DNAH7: variants seen among roughly 807,000 people sequenced by gnomAD.
The protein encoded by DNAH7 is axonemal beta dynein heavy chain 7.
Under a neutral mutation model 444.6 loss-of-function variants are expected in DNAH7, and 397 were observed. The ratio of observed to expected loss-of-function variants is 0.89; its 90% CI spans 0.82 to 0.97. The LOEUF (loss-of-function observed/expected upper bound fraction) is 0.97. Among genes scored for constraint, DNAH7 ranks in the 50% least tolerant of loss-of-function variants. The probability of loss-of-function intolerance (pLI) is 0.00; values close to 1 mark genes in which losing one functional copy is unlikely to be tolerated. For missense variants in DNAH7, 4,902 were observed against 4,800.8 expected, an observed-to-expected ratio of 1.02 and a Z score of -0.62; for synonymous variants, 1,636 against 1,624.4, an observed-to-expected ratio of 1.01 and a Z score of -0.17.
At chr2:195,969,898 T>A in intron 17 of DNAH7, 50 bp downstream of exon 17, 2 of 1,563,886 alleles carry the variant, frequency 1.3e-6, no homozygotes, top group East Asian at 4.6e-5. Context: ...ACGAATTCAA[T>A]GCTTTTTCAA....
intron 5 of DNAH7, among the ~76,000 whole-genome samples, chr2:196,035,784 A>T (rs1164827213): frequency 6.6e-6 from 1 of 150,834 alleles, no homozygotes; most frequent in Non-Finnish European, 1.5e-5. Context: ...CCAGCTGTTC[A>T]CATTTCCACC....
chr2:195,842,093 C>T (rs1302886117), intron 47 of DNAH7, among the ~76,000 whole-genome samples: 2 of 151,988 alleles, frequency 1.3e-5, no homozygotes, highest in Non-Finnish European at 2.9e-5. Flanking sequence ...TATCTCTCTT[C>T]TATGGAAATG....
chr2:196,019,131 CTA>C, intron 9 of DNAH7, 37 bp downstream of exon 9: 1 of 1,387,158 alleles, frequency 7.2e-7, no homozygotes, highest in Non-Finnish European at 9.5e-7. Context: ...CAACTTCCCT[CTA>C]TATTTTAAAA....
intron 21 of DNAH7, among the ~76,000 whole-genome samples, chr2:195,933,670 G>A (rs1432359263): frequency 3.4e-5 from 5 of 145,240 alleles, no homozygotes; most frequent in Admixed American, 1.5e-4. Flanking sequence ...AACACCGCAT[G>A]TTCTCACTCA....
intron 4 of DNAH7, among the ~76,000 whole-genome samples, chr2:196,047,856 T>C (rs1355165419): frequency 6.6e-6 from 1 of 152,006 alleles, no homozygotes; most frequent in Non-Finnish European, 1.5e-5. Flanking sequence ...AAAAAGTTAA[T>C]ATTAACTGTA....
Position 195,866,965 on chromosome 2 carries a change from G to T in DNAH7, c.6634-1944C>A, listed in dbSNP as rs551937972. Reference sequence around the variant, plus strand: ...TTCCCTGCACAATCTCTCTTCTCCTGTCTGCCACCATGTGAGAGATGCCTT... The same window carrying T: ...TTCCCTGCACAATCTCTCTTCTCCTTTCTGCCACCATGTGAGAGATGCCTT... On this transcript the variant is annotated intron_variant, in intron 40 of 64. Coordinates refer to ENST00000312428, the MANE Select transcript of DNAH7 (RefSeq NM_018897.3). Among the ~76,000 whole-genome samples, 12 of 152,230 alleles carry T rather than the reference G, an allele frequency of 7.9e-5. No individual in the cohort carries two copies. In the South Asian group the frequency reaches 2.5e-3, roughly 32 times the overall value.
chr2:195,808,919 T>C, intron 52 of DNAH7, 43 bp from the exon 53 acceptor site: 4 of 1,544,346 alleles, frequency 2.6e-6, no homozygotes, highest in Non-Finnish European at 2.7e-6. Flanking sequence ...AACGAGTTCA[T>C]CATAAACTAG....
intron 2 of DNAH7, among the ~76,000 whole-genome samples, chr2:196,054,925 TG>T (rs1433162114): frequency 6.6e-6 from 1 of 152,260 alleles, no homozygotes; most frequent in African/African-American, 2.4e-5. Flanking sequence ...CCCAGCCATG[TG>T]GAACTGTGAG....
intron 61 of DNAH7, among the ~76,000 whole-genome samples, chr2:195,759,416 C>T (rs113340450): frequency 2.0e-4 from 30 of 152,286 alleles, no homozygotes; most frequent in African/African-American, 6.3e-4. Context: ...ACACCATGGG[C>T]CTTGAGTGAG....
chr2:196,040,105 C>G (rs1575081435), intron 5 of DNAH7, among the ~76,000 whole-genome samples: 1 of 151,950 alleles, frequency 6.6e-6, no homozygotes, highest in Middle Eastern at 3.4e-3. Flanking sequence ...AAAGAAAAGC[C>G]CAACACTGGA....
intron 1 of DNAH7, among the ~76,000 whole-genome samples, chr2:196,058,501 A>G (rs1244666945): frequency 6.6e-6 from 1 of 152,210 alleles, no homozygotes; most frequent in Non-Finnish European, 1.5e-5. Context: ...ATCCCTTATA[A>G]TAAAACAGTA....
At chr2:195,961,387 C>A (rs552241885) in intron 17 of DNAH7, among the ~76,000 whole-genome samples, 1 of 148,066 alleles carries the variant, frequency 6.8e-6, no homozygotes, top group Non-Finnish European at 1.5e-5. Flanking sequence ...ACATCTTCCC[C>A]AATCCCCACT....
chr2:195,742,990 T>A (rs1173249000), intron 63 of DNAH7, among the ~76,000 whole-genome samples: 1 of 152,228 alleles, frequency 6.6e-6, no homozygotes, highest in Non-Finnish European at 1.5e-5. Context: ...CCACCCTCAG[T>A]GTGGGTGGAC....
rs534069039 is a variant in DNAH7, at chr2:195,939,970, G to C, written c.3079-3178C>G. ...GCCCAAAGTAATTTATAGATTCAAT[G>C]CTATTCCCCTCAAGCTACCACTGAC... On this transcript the variant is annotated intron_variant, in intron 19 of 64. Transcript: ENST00000312428. Among the ~76,000 whole-genome samples, 11 of 152,260 alleles carry C rather than the reference G, an allele frequency of 7.2e-5. No homozygotes were observed. The South Asian group carries it at 2.1e-3, about 29-fold the overall frequency.
In DNAH7 at chr2:195,871,960, A is replaced by C. The variant is rs553290686; in HGVS notation, c.6633+290T>G. 7.4e-5 allele frequency among the ~76,000 whole-genome samples: 9 copies of C among 120,878 alleles called. 1 individual carries two copies. The South Asian group carries it at 2.4e-3, about 32-fold the overall frequency. The allele number at this position is 120,878 out of a possible 152,430, so 79.3% of individuals were successfully genotyped here. On this transcript the variant is annotated intron_variant, in intron 40 of 64. Coordinates refer to ENST00000312428, the MANE Select transcript of DNAH7 (RefSeq NM_018897.3). ...AAAAAAAAAAAAAAAAAAAAAAAAA[A>C]AAAAAAAAACTACTTAAGGGAAACT...
At chr2:195,885,881 A>C (rs524073) in intron 34 of DNAH7, among the ~76,000 whole-genome samples, 42,963 of 152,168 alleles carry the variant, frequency 0.28, 9,229 homozygotes, top group African/African-American at 0.6. Flanking sequence ...GCTGGTCAAA[A>C]GACCTGAGAT....
In DNAH7 at chr2:195,752,822, T is replaced by G. The variant is rs573273810; in HGVS notation, c.11764+1515A>C. On this transcript the variant is annotated intron_variant, in intron 63 of 64. Coordinates refer to ENST00000312428, the MANE Select transcript of DNAH7 (RefSeq NM_018897.3). ...AGAGAATTCATGGGATTTGTCAACA[T>G]AGAAGTCATCACTAACTCTGAAAAG... Among the ~76,000 whole-genome samples the G allele has an allele frequency of 1.3e-3, 198 of 152,272 alleles. 1 individual carries two copies. In the Middle Eastern group the frequency reaches 0.017, roughly 13 times the overall value.
At chr2:195,943,429 T>G (rs1445949487) in intron 19 of DNAH7, among the ~76,000 whole-genome samples, 3 of 152,166 alleles carry the variant, frequency 2.0e-5, no homozygotes, top group African/African-American at 7.2e-5. Context: ...ATTCAGTAAG[T>G]CAATGAATGA....
intron 7 of DNAH7, among the ~76,000 whole-genome samples, chr2:196,025,432 G>A (rs1341215909): frequency 6.6e-6 from 1 of 152,038 alleles, no homozygotes; most frequent in Non-Finnish European, 1.5e-5. Context: ...GCTCTAAAAA[G>A]GCATATAAAG....
Sources: allele counts gnomAD v4.1 joint callset (sites outside exome capture counted in the v4.1 genomes callset), GRCh38; gene constraint gnomAD v4.1.1; transcripts MANE v1.5; gene names NCBI Gene and HGNC (gene_info 2026-07-23, HGNC 2026-07-21).